MAP3K4: variants seen among roughly 807,000 people sequenced by gnomAD.
MAP3K4 encodes the protein mitogen-activated protein kinase kinase kinase 4.
Under a neutral mutation model 185.6 loss-of-function variants are expected in MAP3K4, and 67 were observed. The observed-to-expected ratio is 0.36, with a 90% CI of 0.30 to 0.44. MAP3K4 has a LOEUF of 0.44. Among genes scored for constraint, MAP3K4 ranks in the 20% least tolerant of loss-of-function variants. The pLI, the probability that MAP3K4 is intolerant of heterozygous loss-of-function variation, is 1.00. For synonymous variants in MAP3K4, 702 were observed against 710.4 expected (o/e 0.99, Z 0.19); for missense variants, 1,551 against 1,995.1 (o/e 0.78, Z 4.24).
Position 161,077,081 on chromosome 6 carries a change from G to A in MAP3K4, c.2097+3469G>A, listed in dbSNP as rs1305441947. The stretch of plus-strand genomic sequence containing the variant: ...ACATTATAATCCAGTTTAGGTAACA[G>A]ATGAAAAACGTAGACCAAACAATAC... On this transcript the variant is annotated intron_variant, in intron 5 of 26. Coordinates refer to ENST00000392142, the MANE Select transcript of MAP3K4 (RefSeq NM_005922.4). The surrounding 1 kb of genome is among the most constrained non-coding windows in gnomAD (Gnocchi z 4.3). 1.3e-5 allele frequency among the ~76,000 whole-genome samples: 2 copies of A among 152,158 alleles called. No homozygotes were observed. Among genetic ancestry groups the A allele is most frequent in the African/African-American group, 2.4e-5 (1 of 41,432 alleles).
In MAP3K4 at chr6:161,117,119, C is replaced by T. The variant is rs1778618714; in HGVS notation, c.*249C>T. The T allele has an allele frequency of 1.4e-5, 7 of 501,426 alleles. No homozygotes were observed. The highest frequency in any genetic ancestry group is 7.2e-5 in the Admixed American group (2 of 27,688). The allele number at this position is 501,426 out of a possible 1,614,324, so 31.1% of individuals were successfully genotyped here. A position where few individuals can be genotyped will look rare whatever the true frequency, so the allele number is the denominator to read the frequency against. ...GCCATTACTACTGTACACGGACCAT[C>T]GCCTCTGTCTCCTCCGTGTCTCGCG... is the stretch of plus-strand genomic sequence containing the variant. On this transcript the variant is annotated 3_prime_UTR_variant, in exon 27 of 27. Transcript: ENST00000392142.
In MAP3K4 at chr6:161,096,956, A is replaced by G; in HGVS notation, c.3428-124A>G. ...ATGTAATATTATTTTTTACTTATAT[A>G]AATGGACTTACCTTGGTCATTGGCC... On this transcript the variant is annotated intron_variant, in intron 15 of 26. Transcript: ENST00000392142. This position sits in a 1 kb window ranked among gnomAD's most constrained non-coding sequence, Gnocchi z 4.9. 3.1e-6 allele frequency: 2 copies of G among 646,172 alleles called. No individual in the cohort carries two copies. Among genetic ancestry groups the G allele is most frequent in the Non-Finnish European group, 5.5e-6 (2 of 364,850 alleles). 40.0% of individuals were successfully genotyped at this position (646,172 alleles called of 1,614,324 possible).
At position 161,061,540 on chromosome 6, in the gene MAP3K4, A is replaced by G. The variant is rs1784485678; in HGVS notation, c.1708-9068A>G. ...GAGTTGTGCAACCATCACCACTGCA[A>G]CCATCCTCACTGTGTAACTTTGGAA... On this transcript the variant is annotated intron_variant, in intron 3 of 26. Transcript: ENST00000392142. The surrounding 1 kb of genome is among the most constrained non-coding windows in gnomAD (Gnocchi z 4.2). Among the ~76,000 whole-genome samples the G allele has an allele frequency of 6.6e-6, 1 of 152,230 alleles. No homozygotes were observed. Among genetic ancestry groups the G allele is most frequent in the East Asian group, 1.9e-4 (1 of 5,202 alleles).
Position 161,071,805 on chromosome 6 carries a change from G to C in MAP3K4, c.1950+955G>C, listed in dbSNP as rs966805959. 1.3e-5 allele frequency among the ~76,000 whole-genome samples: 2 copies of C among 151,976 alleles called. No individual in the cohort carries two copies. Among genetic ancestry groups the C allele is most frequent in the African/African-American group, 4.8e-5 (2 of 41,374 alleles). On this transcript the variant is annotated intron_variant, in intron 4 of 26. Coordinates refer to ENST00000392142, the MANE Select transcript of MAP3K4 (RefSeq NM_005922.4). The surrounding 1 kb of genome is among the most constrained non-coding windows in gnomAD (Gnocchi z 4.6). ...CACCCTCTTGTTTCTGGTTATTGTCGTGCTGTCCACTTTGGCCTTGCTTTT... is the reference window on the plus strand; with the variant it reads ...CACCCTCTTGTTTCTGGTTATTGTCCTGCTGTCCACTTTGGCCTTGCTTTT...
At position 161,037,315 on chromosome 6, in the gene MAP3K4, G is replaced by T. The variant is rs1319283660; in HGVS notation, c.343+2866G>T. Among the ~76,000 whole-genome samples, 1 of 152,168 alleles carries T rather than the reference G, an allele frequency of 6.6e-6. No individual in the cohort carries two copies. Among genetic ancestry groups the T allele is most frequent in the Non-Finnish European group, 1.5e-5 (1 of 68,044 alleles). On this transcript the variant is annotated intron_variant, in intron 2 of 26. Coordinates refer to ENST00000392142, the MANE Select transcript of MAP3K4 (RefSeq NM_005922.4). This position sits in a 1 kb window ranked among gnomAD's most constrained non-coding sequence, Gnocchi z 4.2. Reference sequence around the variant, plus strand: ...GGTTCCGCTATCTTCTGCGTATGCAGCCTCCATATCTCGTTTCTCTATCTG... The same window carrying T: ...GGTTCCGCTATCTTCTGCGTATGCATCCTCCATATCTCGTTTCTCTATCTG...
Position 161,096,748 on chromosome 6 carries a change from C to G in MAP3K4, c.3428-332C>G, listed in dbSNP as rs148454894. 3.0e-4 allele frequency: 64 copies of G among 211,114 alleles called. No individual in the cohort carries two copies. The East Asian group carries it at 7.3e-3, about 24-fold the overall frequency. 13.1% of individuals were successfully genotyped at this position (211,114 alleles called of 1,614,324 possible). A position where few individuals can be genotyped will look rare whatever the true frequency, so the allele number is the denominator to read the frequency against. ...AACGTGTAGACAACATAAAGAACTC[C>G]TTTTTATTAGGGAGATACCACATTT... On this transcript the variant is annotated intron_variant, in intron 15 of 26. Transcript: ENST00000392142. The surrounding 1 kb of genome is among the most constrained non-coding windows in gnomAD (Gnocchi z 4.9).
rs1231640599 is a variant in MAP3K4, at chr6:161,091,837, C to T, written c.3136-173C>T. Among the ~76,000 whole-genome samples, 1 of 152,136 alleles carries T rather than the reference C, an allele frequency of 6.6e-6. No individual in the cohort carries two copies. The highest frequency in any genetic ancestry group is 1.5e-5 in the Non-Finnish European group (1 of 68,016). On this transcript the variant is annotated intron_variant, in intron 12 of 26. Transcript: ENST00000392142. This position sits in a 1 kb window ranked among gnomAD's most constrained non-coding sequence, Gnocchi z 5.5. ...ACTCAGGAGTAAAACATTTATGAAA[C>T]TGCATTTTGAAACACTGTACTTTCC...
chr6:161,093,731 C>G lies in MAP3K4; in HGVS notation c.3349-42C>G, dbSNP rs560015402. The G allele has an allele frequency of 1.8e-6, 2 of 1,118,392 alleles. No individual in the cohort carries two copies. Among genetic ancestry groups the G allele is most frequent in the South Asian group, 2.6e-5 (2 of 76,706 alleles). The allele number at this position is 1,118,392 out of a possible 1,614,324, so 69.3% of individuals were successfully genotyped here. ...CTACTTACATAATTAAGAAAGTATG[C>G]ATGTTTTCTCTTTACCTTTCCCATT... On this transcript the variant is annotated intron_variant, in intron 14 of 26. Coordinates refer to ENST00000392142, the MANE Select transcript of MAP3K4 (RefSeq NM_005922.4). This position sits in a 1 kb window ranked among gnomAD's most constrained non-coding sequence, Gnocchi z 5.2.
At chr6:161,057,645 T>C (rs1173211458) in intron 3 of MAP3K4, among the ~76,000 whole-genome samples, 1 of 152,122 alleles carries the variant, frequency 6.6e-6, no homozygotes, top group Non-Finnish European at 1.5e-5. Context: ...AACAGTGTAG[T>C]TCTGGTACTC....
chr6:161,081,199 CTCAG>C (rs1356181324), intron 6 of MAP3K4, among the ~76,000 whole-genome samples, 161 bp downstream of exon 6: 2 of 151,100 alleles, frequency 1.3e-5, no homozygotes, highest in African/African-American at 4.9e-5. Flanking sequence ...AGTGGTGTTT[CTCAG>C]TCAGGGGTGA....
intron 3 of MAP3K4, among the ~76,000 whole-genome samples, chr6:161,055,858 GAAGT>G (rs1036312257): frequency 1.3e-5 from 2 of 152,116 alleles, no homozygotes; most frequent in African/African-American, 4.8e-5. Context: ...CAATTCTTTG[GAAGT>G]AAGTCACCAC....
At chr6:161,016,628 A>C (rs1177843390) in intron 1 of MAP3K4, among the ~76,000 whole-genome samples, 3 of 152,226 alleles carry the variant, frequency 2.0e-5, no homozygotes, top group Admixed American at 2.0e-4. Context: ...TTGGCACCCC[A>C]GTTGAAAATC....
intron 19 of MAP3K4, among the ~76,000 whole-genome samples, chr6:161,105,096 G>A (rs1036140736): frequency 1.3e-5 from 2 of 152,184 alleles, no homozygotes; most frequent in East Asian, 3.9e-4. Flanking sequence ...TGAACCATTA[G>A]TGGGTTGTAA....
At chr6:161,068,575 A>G (rs1784803331) in intron 3 of MAP3K4, among the ~76,000 whole-genome samples, 3 of 152,232 alleles carry the variant, frequency 2.0e-5, no homozygotes, top group African/African-American at 4.8e-5. Flanking sequence ...TAGAAGGGCT[A>G]AGACAAGCCT....
Position 161,067,426 on chromosome 6 carries a change from CT to C in MAP3K4, c.1708-3179del. ...AAGCAGTTCCCAGCTTGACTTTTCC[CT>C]TTAGCTTAATGATTTGGGGGCTCCA... On this transcript the variant is annotated intron_variant, in intron 3 of 26. Transcript: ENST00000392142. The surrounding 1 kb of genome is among the most constrained non-coding windows in gnomAD (Gnocchi z 6.3). The C allele has an allele frequency of 5.9e-6, 1 of 168,604 alleles. No individual in the cohort carries two copies. The highest frequency in any genetic ancestry group is 1.3e-5 in the Non-Finnish European group (1 of 76,546). The allele number at this position is 168,604 out of a possible 1,614,324, so 10.4% of individuals were successfully genotyped here. A position where few individuals can be genotyped will look rare whatever the true frequency, so the allele number is the denominator to read the frequency against.
rs1330082226 is a variant in MAP3K4, at chr6:161,075,665, G to A, written c.2097+2053G>A. On this transcript the variant is annotated intron_variant, in intron 5 of 26. Coordinates refer to ENST00000392142, the MANE Select transcript of MAP3K4 (RefSeq NM_005922.4). The surrounding 1 kb of genome is among the most constrained non-coding windows in gnomAD (Gnocchi z 4.3). The stretch of plus-strand genomic sequence containing the variant: ...GAGGAGCATCAGGCATGTGAACCAC[G>A]CCTTCCTGGTCAGCCAGTTTCTGTG... Among the ~76,000 whole-genome samples the A allele has an allele frequency of 3.9e-5, 6 of 152,166 alleles. No homozygotes were observed. Among genetic ancestry groups the A allele is most frequent in the Non-Finnish European group, 5.9e-5 (4 of 68,040 alleles).
intron 1 of MAP3K4, among the ~76,000 whole-genome samples, chr6:161,014,653 G>T (rs2115090491): frequency 6.6e-6 from 1 of 152,266 alleles, no homozygotes; most frequent in Admixed American, 6.5e-5. Flanking sequence ...GTGTCTCTAG[G>T]ATATCAGAAA....
intron 4 of MAP3K4, among the ~76,000 whole-genome samples, chr6:161,072,112 C>G (rs1784971031): frequency 6.6e-6 from 1 of 152,192 alleles, no homozygotes; most frequent in Non-Finnish European, 1.5e-5. Flanking sequence ...ACCTAAGTGA[C>G]ATCTTTAATA....
At chr6:161,079,755 C>G (rs1785358202) in intron 5 of MAP3K4, among the ~76,000 whole-genome samples, 1 of 152,170 alleles carries the variant, frequency 6.6e-6, no homozygotes, top group Admixed American at 6.5e-5. Flanking sequence ...ACACACAACT[C>G]TAGTCATAAC....
Sources: gnomAD v4.1 joint callset for allele counts (sites outside exome capture counted in the v4.1 genomes callset) on GRCh38, gnomAD v4.1.1 for gene constraint, Gnocchi (gnomAD v3.1) non-coding constraint, MANE v1.5 for transcripts, NCBI Gene and HGNC (gene_info 2026-07-23, HGNC 2026-07-21) for gene names.